CRHR1: variants seen among roughly 807,000 people sequenced by gnomAD.
CRHR1 encodes corticotropin-releasing hormone receptor 1.
Under a neutral mutation model 56.0 loss-of-function variants are expected in CRHR1, and 28 were observed. The observed-to-expected ratio is 0.50, with a 90% CI of 0.37 to 0.69. The LOEUF is 0.69. CRHR1 is among the 30% of genes least tolerant of loss of function. The probability of loss-of-function intolerance (pLI) is 0.00; values close to 1 mark genes in which losing one functional copy is unlikely to be tolerated. For missense variants in CRHR1, 376 were observed against 548.0 expected (o/e 0.69, Z 3.13); for synonymous variants, 195 against 216.5 (o/e 0.90, Z 0.87).
At chr17:45,792,393 A>G (rs984429342) in intron 1 of CRHR1, among the ~76,000 whole-genome samples, 2 of 152,126 alleles carry the variant, frequency 1.3e-5, no homozygotes, top group African/African-American at 4.8e-5. Context: ...TAAGGCCCAC[A>G]CAAGTGACCC....
At chr17:45,831,785 C>T (rs1490767960) in intron 8 of CRHR1, among the ~76,000 whole-genome samples, 1 of 152,180 alleles carries the variant, frequency 6.6e-6, no homozygotes, top group Non-Finnish European at 1.5e-5. Context: ...CAAGTGTTCC[C>T]GGGAACCTAT....
intron 10 of CRHR1, 71 bp from the exon 11 acceptor site, chr17:45,833,641 CTT>C: frequency 6.2e-7 from 1 of 1,602,856 alleles, no homozygotes; most frequent in Non-Finnish European, 8.5e-7. Context: ...ACCTGGCCCT[CTT>C]TGCCGAGCCA....
chr17:45,813,535 C>T (rs1004915952), intron 2 of CRHR1, among the ~76,000 whole-genome samples: 64 of 152,358 alleles, frequency 4.2e-4, no homozygotes, highest in African/African-American at 1.5e-3. Context: ...CCCCTCTGTG[C>T]ATCCTTAGGA....
intron 1 of CRHR1, among the ~76,000 whole-genome samples, chr17:45,790,094 G>A (rs1173779250): frequency 3.3e-5 from 5 of 152,274 alleles, no homozygotes; most frequent in East Asian, 1.9e-4. Flanking sequence ...CTCTTCCTGC[G>A]TCAGAGCACT....
intron 3 of CRHR1, among the ~76,000 whole-genome samples, chr17:45,819,634 C>T (rs557565630): frequency 2.6e-5 from 4 of 151,776 alleles, no homozygotes; most frequent in East Asian, 1.9e-4. Context: ...CTCAGCCCTC[C>T]GGTAACTCAT....
Position 45,814,625 on chromosome 17 carries a change from C to T in CRHR1, c.122-1838C>T, listed in dbSNP as rs115531276. On this transcript the variant is annotated intron_variant, in intron 2 of 12. Transcript: ENST00000314537. ...TCCTCCCCTCCCCGCGGCCACATGC[C>T]CCCAGCTCTCCCCCCAAGTCCCTGT... Among the ~76,000 whole-genome samples, 1,031 of 152,322 alleles carry T rather than the reference C, an allele frequency of 6.8e-3. 9 individuals are homozygous for T. The highest frequency in any genetic ancestry group is 0.023 in the African/African-American group (966 of 41,562).
intron 8 of CRHR1, among the ~76,000 whole-genome samples, chr17:45,832,189 G>A (rs1338123369): frequency 1.3e-5 from 2 of 152,218 alleles, no homozygotes; most frequent in South Asian, 2.1e-4. Context: ...CCAAGATCGT[G>A]CCACTGCACT....
rs1568034430 is a variant in CRHR1 at position 45,797,307 on chromosome 17, T to TTTTTTC, written c.34-9702_34-9701insTTTTCT. Among the ~76,000 whole-genome samples, 9 of 137,216 alleles carry TTTTTTC rather than the reference T, an allele frequency of 6.6e-5. 1 individual carries two copies. The highest frequency in any genetic ancestry group is 1.3e-4 in the Non-Finnish European group (8 of 62,650). 90.0% of individuals were successfully genotyped at this position (137,216 alleles called of 152,430 possible). A position where few individuals can be genotyped will look rare whatever the true frequency, so the allele number is the denominator to read the frequency against. On this transcript the variant is annotated intron_variant, in intron 1 of 12. Transcript: ENST00000314537. ...TCTTTTTTTTTTTTTTTTTTTTTTT[T>TTTTTTC]TGAGACGGAGTCTCGCTGTGTCACC...
chr17:45,827,399 G>T (rs1336302176), intron 4 of CRHR1, among the ~76,000 whole-genome samples: 1 of 152,228 alleles, frequency 6.6e-6, no homozygotes, highest in Non-Finnish European at 1.5e-5. Flanking sequence ...TTACCCAGGG[G>T]CTTCTCAGCA....
At position 45,833,503 on chromosome 17, in the gene CRHR1, C is replaced by T. The variant is rs759910702; in HGVS notation, c.895C>T (p.Arg299Trp). 8 of 1,613,884 alleles carry T rather than the reference C, an allele frequency of 5.0e-6. No individual in the cohort carries two copies. The highest frequency in any genetic ancestry group is 2.2e-5 in the East Asian group (1 of 44,868). ...CGTCCGCATCCTCATGACCAAGCTC[C>T]GGGCATCCACCACGTCTGAGACCAT... ...NIVRILMTKLRASTTSETIQY... is the reference protein window; with the variant it reads ...NIVRILMTKLWASTTSETIQY... The change falls in exon 10 of 13, where the codon CGG (arginine) becomes TGG (tryptophan). Residue 299 changes from arginine to tryptophan, a missense_variant. Transcript: ENST00000314537.
intron 3 of CRHR1, among the ~76,000 whole-genome samples, chr17:45,817,413 C>T (rs951311399): frequency 1.3e-5 from 2 of 152,168 alleles, no homozygotes; most frequent in African/African-American, 4.8e-5. Context: ...CTCAGAGTCC[C>T]AAGAGGGCAC....
intron 1 of CRHR1, among the ~76,000 whole-genome samples, chr17:45,798,608 C>A (rs889530938): frequency 2.0e-5 from 3 of 151,902 alleles, no homozygotes; most frequent in African/African-American, 7.3e-5. Context: ...ACATCTGGAA[C>A]CTTGGAGGGG....
At chr17:45,821,279 G>A (rs907178969) in intron 3 of CRHR1, 76 bp from the exon 4 acceptor site, 33 of 1,288,788 alleles carry the variant, frequency 2.6e-5, no homozygotes, top group East Asian at 6.9e-5. Flanking sequence ...ATCCATCTAC[G>A]CATCCATCTG....
In CRHR1 at chr17:45,813,558, A is replaced by G. The variant is rs141778337; in HGVS notation, c.122-2905A>G. Among the ~76,000 whole-genome samples the G allele has an allele frequency of 7.5e-3, 1,143 of 152,284 alleles. 12 individuals carry two copies. Among genetic ancestry groups the G allele is most frequent in the African/African-American group, 0.026 (1,070 of 41,570 alleles). On this transcript the variant is annotated intron_variant, in intron 2 of 12. Coordinates refer to ENST00000314537, the MANE Select transcript of CRHR1 (RefSeq NM_004382.5). The stretch of plus-strand genomic sequence containing the variant: ...TGCATCCTTAGGAGCTGCGGGGGCC[A>G]GGAGGGAGGGGGAGGCGCGGCGCTG...
At position 45,833,019 on chromosome 17, in the gene CRHR1, T is replaced by G; in HGVS notation, c.771-119T>G. 3.6e-6 allele frequency: 3 copies of G among 841,676 alleles called. No individual in the cohort carries two copies. The South Asian group carries it at 4.4e-5, about 12-fold the overall frequency. The allele number at this position is 841,676 out of a possible 1,614,324, so 52.1% of individuals were successfully genotyped here. On this transcript the variant is annotated intron_variant, in intron 8 of 12. Coordinates refer to ENST00000314537, the MANE Select transcript of CRHR1 (RefSeq NM_004382.5). ...CTTGACCTTCTGCCAGGGTTGGAAT[T>G]GGGACATCTACCTCTTGGCCTCCAG...
rs552938651 is a variant in CRHR1 at position 45,830,413 on chromosome 17, G to C, written c.556-4G>C. The C allele has an allele frequency of 1.8e-5, 29 of 1,601,486 alleles. No individual in the cohort carries two copies. The South Asian group carries it at 3.1e-4, about 17-fold the overall frequency. ...ATCATCTCTGGTTGGGGGTGGGGTG[G>C]CAGGGCTGGTGCAGGTTGGTGACAG... On this transcript the variant is annotated splice_region_variant and splice_polypyrimidine_tract_variant and intron_variant, in intron 6 of 12. Coordinates refer to ENST00000314537, the MANE Select transcript of CRHR1 (RefSeq NM_004382.5).
chr17:45,784,804 G>T lies in CRHR1; in HGVS notation c.33+227G>T, dbSNP rs1415589764. ...AAAGAAATCGTGGCGAAGCCGCCGGGATGTTGGCGGAGGAGGGGGTCCGCC... is the reference window on the plus strand; with the variant it reads ...AAAGAAATCGTGGCGAAGCCGCCGGTATGTTGGCGGAGGAGGGGGTCCGCC... On this transcript the variant is annotated intron_variant, in intron 1 of 12. Coordinates refer to ENST00000314537, the MANE Select transcript of CRHR1 (RefSeq NM_004382.5). This position sits in a 1 kb window ranked among gnomAD's most constrained non-coding sequence, Gnocchi z 4.2. 6.6e-6 allele frequency among the ~76,000 whole-genome samples: 1 copy of T among 152,202 alleles called. No individual in the cohort carries two copies.
intron 1 of CRHR1, among the ~76,000 whole-genome samples, chr17:45,793,757 A>G (rs1598398667): frequency 6.6e-6 from 1 of 152,174 alleles, no homozygotes; most frequent in African/African-American, 2.4e-5. Context: ...CACTGTCCCT[A>G]AAGCTGACAG....
chr17:45,834,933 G>A lies in CRHR1; in HGVS notation c.*169G>A, dbSNP rs921305743. The A allele has an allele frequency of 3.3e-6, 3 of 903,146 alleles. No homozygotes were observed. The highest frequency in any genetic ancestry group is 5.0e-6 in the Non-Finnish European group (3 of 605,694). The allele number at this position is 903,146 out of a possible 1,614,324, so 55.9% of individuals were successfully genotyped here. A position where few individuals can be genotyped will look rare whatever the true frequency, so the allele number is the denominator to read the frequency against. ...GCCGCTCTCCCCCTGCAGCCGTGCA[G>A]GACTCTAGCTCATGAGTGGAAAGTC... On this transcript the variant is annotated 3_prime_UTR_variant, in exon 13 of 13. Transcript: ENST00000314537.
Sources: gnomAD v4.1 joint callset for allele counts (sites outside exome capture counted in the v4.1 genomes callset) on GRCh38, gnomAD v4.1.1 for gene constraint, Gnocchi (gnomAD v3.1) non-coding constraint, MANE v1.5 for transcripts, NCBI Gene and HGNC (gene_info 2026-07-23, HGNC 2026-07-21) for gene names.